Variants in PHF19 observed in about 807,000 individuals in gnomAD.
PHF19 encodes the protein polycomb like 3.
A neutral mutation model predicts 79.8 loss-of-function variants in PHF19; 21 were observed. That is an observed-to-expected ratio of 0.26 (90% confidence interval 0.19 to 0.38). The LOEUF is 0.38. Among genes scored for constraint, PHF19 ranks in the 10% least tolerant of loss-of-function variants. PHF19 has a pLI of 1.00. For synonymous variants in PHF19, 273 were observed against 296.3 expected (o/e 0.92, Z 0.81); for missense variants, 445 against 744.2 (o/e 0.60, Z 4.68).
intron 14 of PHF19, among the ~76,000 whole-genome samples, chr9:120,859,846 T>G (rs1416524285): frequency 6.6e-6 from 1 of 152,106 alleles, no homozygotes; most frequent in African/African-American, 2.4e-5. Context: ...CTGCAGCAGG[T>G]GAAGCATTCC....
chr9:120,871,074 T>A (rs1373667446), intron 3 of PHF19, among the ~76,000 whole-genome samples: 1 of 152,192 alleles, frequency 6.6e-6, no homozygotes, highest in East Asian at 1.9e-4. Context: ...AGCTACTTTT[T>A]ACATTTTTAG....
intron 6 of PHF19, among the ~76,000 whole-genome samples, chr9:120,867,541 C>T (rs1012133892): frequency 1.3e-5 from 2 of 152,216 alleles, no homozygotes; most frequent in Non-Finnish European, 2.9e-5. Flanking sequence ...CAGGTTAAAA[C>T]GCAGATTCCT....
At chr9:120,899,824 C>T (rs2046425588), upstream of PHF19, among the ~76,000 whole-genome samples, 1 of 152,204 alleles carries the variant, frequency 6.6e-6, no homozygotes, top group South Asian at 2.1e-4. Context: ...GGCAAATCCC[C>T]TCCTCAGTTC....
intron 1 of PHF19, among the ~76,000 whole-genome samples, chr9:120,883,045 A>T (rs540356717): frequency 6.6e-6 from 1 of 152,192 alleles, no homozygotes; most frequent in East Asian, 1.9e-4. Flanking sequence ...TTACAGTAGA[A>T]AGCACGGTTA....
In PHF19 at chr9:120,862,760, G is replaced by A. The variant is rs1211579776; in HGVS notation, c.969-11C>T. ...TTGCCGCAGAGGAACCTGGGGGTGG[G>A]CAGTGGGAGGAAGAAGCTCTGGAGT... On this transcript the variant is annotated splice_polypyrimidine_tract_variant and intron_variant, in intron 10 of 14. Transcript: ENST00000373896. This position sits in a 1 kb window ranked among gnomAD's most constrained non-coding sequence, Gnocchi z 4.6. 1.2e-6 allele frequency: 2 copies of A among 1,613,706 alleles called. No homozygotes were observed. Among genetic ancestry groups the A allele is most frequent in the Non-Finnish European group, 1.7e-6 (2 of 1,179,744 alleles).
chr9:120,868,698 T>G, intron 6 of PHF19: 12 of 331,566 alleles, frequency 3.6e-5, no homozygotes, highest in Non-Finnish European at 5.0e-5. Context: ...AGCCCTTCCC[T>G]TCAGGGACCG....
At position 120,883,761 on chromosome 9, in the gene PHF19, C is replaced by CA. The variant is rs563911814; in HGVS notation, c.43-9006dup. ...GGGTGACAGAACAAGACACTGTCTCCAAAAAAAAAAAAAAAAAAAATAGAA... is the reference window on the plus strand; with the variant it reads ...GGGTGACAGAACAAGACACTGTCTCCAAAAAAAAAAAAAAAAAAAAATAGAA... On this transcript the variant is annotated intron_variant, in intron 1 of 14. Coordinates refer to the PHF19 transcript ENST00000616568. Among the ~76,000 whole-genome samples the CA allele has an allele frequency of 5.6e-3, 610 of 109,900 alleles. 3 individuals carry two copies. The highest frequency in any genetic ancestry group is 7.6e-3 in the Non-Finnish European group (410 of 53,690). The allele number at this position is 109,900 out of a possible 152,430, so 72.1% of individuals were successfully genotyped here.
Position 120,861,182 on chromosome 9 carries a change from C to T in PHF19, c.1219-8G>A. 6.5e-7 allele frequency: 1 copy of T among 1,535,414 alleles called. No homozygotes were observed. The highest frequency in any genetic ancestry group is 9.0e-7 in the Non-Finnish European group (1 of 1,108,230). On this transcript the variant is annotated splice_polypyrimidine_tract_variant and splice_region_variant and intron_variant, in intron 12 of 14. Coordinates refer to ENST00000373896, the MANE Select transcript of PHF19 (RefSeq NM_015651.3). ...GGCTGAGGTGAAGTCACTCTGTGGA[C>T]ACAGGAAGGAGAGAGGAAGGGTCAG...
intron 9 of PHF19, among the ~76,000 whole-genome samples, chr9:120,864,869 G>A (rs965165196): frequency 2.0e-5 from 3 of 151,970 alleles, no homozygotes; most frequent in Non-Finnish European, 2.9e-5. Flanking sequence ...TGATTTCTGG[G>A]TGGCGTGATA....
intron 6 of PHF19, chr9:120,868,815 G>A (rs2131530639): frequency 9.7e-7 from 1 of 1,033,550 alleles, no homozygotes; most frequent in Non-Finnish European, 1.2e-6. Flanking sequence ...CACCTCCCTG[G>A]GGCCCTGCTT....
At chr9:120,901,090 G>T in the PHF19 span, among the ~76,000 whole-genome samples, 1 of 152,220 alleles carries the variant, frequency 6.6e-6, no homozygotes, top group South Asian at 2.1e-4. Context: ...CTTTGGCTGG[G>T]GGTAGAGGGA....
intron 9 of PHF19, among the ~76,000 whole-genome samples, chr9:120,865,407 A>G (rs1327940093): frequency 2.6e-5 from 4 of 152,046 alleles, no homozygotes; most frequent in African/African-American, 9.7e-5. Context: ...GGGCAGACCC[A>G]CTCCATGTTG....
intron 1 of PHF19, among the ~76,000 whole-genome samples, chr9:120,890,965 C>G (rs982122627): frequency 1.3e-5 from 2 of 152,318 alleles, no homozygotes; most frequent in Middle Eastern, 3.4e-3. Context: ...ACCCTTTAAC[C>G]CAGGTGCGAC....
the PHF19 span, among the ~76,000 whole-genome samples, chr9:120,900,833 T>G: frequency 6.6e-6 from 1 of 152,354 alleles, no homozygotes; most frequent in African/African-American, 2.4e-5. Context: ...TCCCAAGTGC[T>G]GGGATTAGAA....
chr9:120,869,902 G>C lies in PHF19; in HGVS notation c.408C>G (p.Asp136Glu). ...AGAACCAAGGTGTGAGCAGGGGCTGGTCAGCACTGCCCGCTATGGGGATGT... is the reference window on the plus strand; with the variant it reads ...AGAACCAAGGTGTGAGCAGGGGCTGCTCAGCACTGCCCGCTATGGGGATGT... ...QCHIPIAGSA[D>E]QPLLTPWFCR... Residue 136 changes from aspartate to glutamate, a missense_variant, in exon 5 of 15, where the codon GAC (aspartate) becomes GAG (glutamate). Physicochemically the swap from Asp to Glu is conservative, Grantham distance 45 (BLOSUM62 2). Coordinates refer to ENST00000373896, the MANE Select transcript of PHF19 (RefSeq NM_015651.3). This position sits in a 1 kb window ranked among gnomAD's most constrained non-coding sequence, Gnocchi z 5.8. 1 of 1,600,256 alleles carries C rather than the reference G, an allele frequency of 6.2e-7. No homozygotes were observed. The highest frequency in any genetic ancestry group is 8.5e-7 in the Non-Finnish European group (1 of 1,173,732).
At position 120,860,349 on chromosome 9, in the gene PHF19, C is replaced by G; in HGVS notation, c.1305-164G>C. ...ACCTGTCTGTTTCCTACCCAGCCACCCTTCAAAGTCCAAGAAGTCAAAAAA... is the reference window on the plus strand; with the variant it reads ...ACCTGTCTGTTTCCTACCCAGCCACGCTTCAAAGTCCAAGAAGTCAAAAAA... On this transcript the variant is annotated intron_variant, in intron 13 of 14. Transcript: ENST00000373896. The surrounding 1 kb of genome is among the most constrained non-coding windows in gnomAD (Gnocchi z 4.1). 2 of 591,626 alleles carry G rather than the reference C, an allele frequency of 3.4e-6. No individual in the cohort carries two copies. The highest frequency in any genetic ancestry group is 3.8e-5 in the South Asian group (2 of 52,082). The allele number at this position is 591,626 out of a possible 1,614,324, so 36.6% of individuals were successfully genotyped here.
intron 9 of PHF19, among the ~76,000 whole-genome samples, chr9:120,865,027 A>T (rs540664866): frequency 1.1e-3 from 174 of 152,316 alleles, no homozygotes; most frequent in Middle Eastern, 3.4e-3. Flanking sequence ...CTATTTTTTT[A>T]AAAAAATTAT....
At position 120,870,078 on chromosome 9, in the gene PHF19, C is replaced by A; in HGVS notation, c.365-133G>T. ...TGCCTGCCAGCTGCCGGGAGCCTGG[C>A]TGCTGGTGCCCACCAAGATGGCCAA... On this transcript the variant is annotated intron_variant, in intron 4 of 14. Transcript: ENST00000373896. This position sits in a 1 kb window ranked among gnomAD's most constrained non-coding sequence, Gnocchi z 4.4. The A allele has an allele frequency of 7.6e-7, 1 of 1,323,114 alleles. No homozygotes were observed. The highest frequency in any genetic ancestry group is 1.0e-6 in the Non-Finnish European group (1 of 979,452). The allele number at this position is 1,323,114 out of a possible 1,614,324, so 82.0% of individuals were successfully genotyped here. A position where few individuals can be genotyped will look rare whatever the true frequency, so the allele number is the denominator to read the frequency against.
At chr9:120,859,169 C>CT (rs930548054) in intron 14 of PHF19, among the ~76,000 whole-genome samples, 12 of 150,970 alleles carry the variant, frequency 7.9e-5, no homozygotes, top group Non-Finnish European at 1.6e-4. Flanking sequence ...CAGAGGACAC[C>CT]TAGACAGATG....
Sources: gnomAD v4.1 joint callset for allele counts (sites outside exome capture counted in the v4.1 genomes callset) on GRCh38, gnomAD v4.1.1 for gene constraint, Gnocchi (gnomAD v3.1) non-coding constraint, MANE v1.5 for transcripts, NCBI Gene and HGNC (gene_info 2026-07-23, HGNC 2026-07-21) for gene names.